Variants in KCTD16 observed in about 807,000 individuals in gnomAD.
KCTD16 encodes the protein potassium channel tetramerization domain containing 16.
A neutral mutation model predicts 33.2 loss-of-function variants in KCTD16; 13 were observed. The observed-to-expected ratio is 0.39, with a 90% CI of 0.25 to 0.62. The LOEUF is 0.62. Ranked by LOEUF, KCTD16 falls within the 20% of genes least tolerant of loss-of-function variation. The pLI, the probability that KCTD16 is intolerant of heterozygous loss-of-function variation, is 0.50. For synonymous variants in KCTD16, 197 were observed against 195.3 expected (o/e 1.01, Z -0.07); for missense variants, 441 against 525.1 (o/e 0.84, Z 1.57).
At chr5:144,412,931 A>G (rs941088999) in intron 3 of KCTD16, among the ~76,000 whole-genome samples, 3 of 152,180 alleles carry the variant, frequency 2.0e-5, no homozygotes, top group Non-Finnish European at 4.4e-5. Flanking sequence ...ATCTATCAGT[A>G]GGGTGATATA....
intron 3 of KCTD16, among the ~76,000 whole-genome samples, chr5:144,471,460 T>C (rs963274431): frequency 1.3e-5 from 2 of 152,222 alleles, no homozygotes; most frequent in African/African-American, 4.8e-5. Context: ...AAAAGCTAAA[T>C]TCAATTTCTA....
intron 3 of KCTD16, among the ~76,000 whole-genome samples, chr5:144,257,614 G>A (rs1034958110): frequency 9.2e-5 from 14 of 151,498 alleles, no homozygotes; most frequent in Non-Finnish European, 1.6e-4. Flanking sequence ...TCAGCCTCCC[G>A]AGTAGCTGGG....
intron 3 of KCTD16, among the ~76,000 whole-genome samples, chr5:144,404,589 A>G (rs1299538600): frequency 6.6e-6 from 1 of 152,152 alleles, no homozygotes; most frequent in Non-Finnish European, 1.5e-5. Flanking sequence ...CATGCTTTGG[A>G]AAGTGAAAAG....
chr5:144,201,324 C>T (rs1354011187), intron 2 of KCTD16, among the ~76,000 whole-genome samples: 4 of 152,232 alleles, frequency 2.6e-5, no homozygotes, highest in Non-Finnish European at 1.5e-5. Flanking sequence ...CCATCTCCCT[C>T]ACCAAATCCT....
At chr5:144,263,294 T>G (rs1458677674) in intron 3 of KCTD16, among the ~76,000 whole-genome samples, 1 of 152,204 alleles carries the variant, frequency 6.6e-6, no homozygotes, top group Admixed American at 6.5e-5. Flanking sequence ...GCATCAAGAT[T>G]AAATAAAACA....
chr5:144,184,318 A>G (rs1456294010), intron 2 of KCTD16, among the ~76,000 whole-genome samples: 2 of 152,150 alleles, frequency 1.3e-5, no homozygotes, highest in Admixed American at 1.3e-4. Flanking sequence ...ATATAGTATT[A>G]TTCTTTTTAT....
chr5:144,257,863 G>C (rs1754895105), intron 3 of KCTD16, among the ~76,000 whole-genome samples: 1 of 152,084 alleles, frequency 6.6e-6, no homozygotes, highest in South Asian at 2.1e-4. Flanking sequence ...TTGATTTCTG[G>C]GACAACACAG....
rs181934155 is a variant in KCTD16, at chr5:144,417,800, G to A, written c.833-55860G>A. 4.4e-4 allele frequency among the ~76,000 whole-genome samples: 67 copies of A among 152,052 alleles called. 1 individual carries two copies. The Middle Eastern group carries it at 0.01, about 23-fold the overall frequency. On this transcript the variant is annotated intron_variant, in intron 3 of 3. Coordinates refer to ENST00000512467, the MANE Select transcript of KCTD16 (RefSeq NM_020768.4). ...TGTTGTAAAGTAGGGCTCCAACTTC[G>A]TTCTTCTGCATATGGATATGCAGTT...
intron 3 of KCTD16, among the ~76,000 whole-genome samples, chr5:144,416,864 CA>C (rs887693037): frequency 6.6e-6 from 1 of 152,050 alleles, no homozygotes; most frequent in South Asian, 2.1e-4. Context: ...TAAATGAGGT[CA>C]AAACTATATG....
intron 2 of KCTD16, among the ~76,000 whole-genome samples, chr5:144,182,933 CAG>C (rs1170924803): frequency 6.6e-6 from 1 of 151,990 alleles, no homozygotes; most frequent in Non-Finnish European, 1.5e-5. Context: ...TATACATACA[CAG>C]AGTATCTTGT....
At chr5:144,313,583 G>A (rs1214356812) in intron 3 of KCTD16, among the ~76,000 whole-genome samples, 1 of 152,128 alleles carries the variant, frequency 6.6e-6, no homozygotes. Flanking sequence ...TCAGATTTAC[G>A]ATGCTTTTTC....
chr5:144,418,894 C>A (rs1308257416), intron 3 of KCTD16, among the ~76,000 whole-genome samples: 2 of 152,102 alleles, frequency 1.3e-5, no homozygotes, highest in Admixed American at 6.6e-5. Context: ...AAGTTATACA[C>A]CCTAACTTTT....
intron 3 of KCTD16, among the ~76,000 whole-genome samples, chr5:144,303,779 C>T (rs1056899790): frequency 6.6e-6 from 1 of 152,144 alleles, no homozygotes; most frequent in Non-Finnish European, 1.5e-5. Context: ...GGTCATTTCT[C>T]CTCTCCTGCC....
Position 144,181,014 on chromosome 5 carries a change from G to A in KCTD16, c.-327+6542G>A, listed in dbSNP as rs1437513763. On this transcript the variant is annotated intron_variant, in intron 2 of 3. Transcript: ENST00000512467. ...GTGGCGCGATCTCGGCTCACTGCAAGCTCCGCCTCCCGGGTTCACGCCATT... is the reference window on the plus strand; with the variant it reads ...GTGGCGCGATCTCGGCTCACTGCAAACTCCGCCTCCCGGGTTCACGCCATT... 3.3e-5 allele frequency among the ~76,000 whole-genome samples: 5 copies of A among 151,320 alleles called. No homozygotes were observed. In the East Asian group the frequency reaches 9.8e-4, roughly 30 times the overall value.
intron 3 of KCTD16, among the ~76,000 whole-genome samples, chr5:144,361,665 C>A (rs1751716091): frequency 6.6e-6 from 1 of 152,156 alleles, no homozygotes; most frequent in Admixed American, 6.5e-5. Flanking sequence ...GACTGTATGA[C>A]AAGTGCCACA....
intron 3 of KCTD16, among the ~76,000 whole-genome samples, chr5:144,378,551 T>G (rs1217492106): frequency 1.3e-5 from 2 of 152,202 alleles, no homozygotes; most frequent in Admixed American, 6.6e-5. Flanking sequence ...TGCAATATGT[T>G]AAGGCCAATA....
chr5:144,276,540 G>A (rs957226761), intron 3 of KCTD16, among the ~76,000 whole-genome samples: 3 of 152,172 alleles, frequency 2.0e-5, no homozygotes, highest in African/African-American at 7.2e-5. Context: ...AGTTCTGGCA[G>A]AGACCTAGAA....
At chr5:144,194,343 G>A (rs1422826620) in intron 2 of KCTD16, among the ~76,000 whole-genome samples, 6 of 152,288 alleles carry the variant, frequency 3.9e-5, no homozygotes, top group East Asian at 3.9e-4. Flanking sequence ...CAACACTGCC[G>A]TATGGTGCTC....
intron 3 of KCTD16, among the ~76,000 whole-genome samples, chr5:144,399,489 T>C (rs369779974): frequency 2.4e-4 from 37 of 152,176 alleles, no homozygotes; most frequent in African/African-American, 8.2e-4. Flanking sequence ...GTGTTTTACT[T>C]TTTTTTGGCC....
Sources: gnomAD v4.1 joint callset for allele counts (sites outside exome capture counted in the v4.1 genomes callset) on GRCh38, gnomAD v4.1.1 for gene constraint, MANE v1.5 for transcripts, NCBI Gene and HGNC (gene_info 2026-07-23, HGNC 2026-07-21) for gene names.